The following DLG2 variants were observed in gnomAD, a reference collection of about 807,000 sequenced individuals.
DLG2 encodes the protein disks large homolog 2.
In DLG2, 45 loss-of-function variants were observed where a neutral mutation model predicts 132.5. The ratio of observed to expected loss-of-function variants is 0.34; its 90% CI spans 0.27 to 0.44. The LOEUF (loss-of-function observed/expected upper bound fraction) is 0.44. DLG2 is among the 20% of genes least tolerant of loss of function. DLG2 has a pLI of 1.00. For missense variants in DLG2, 1,045 were observed against 1,196.9 expected (o/e 0.87, Z 1.87); for synonymous variants, 424 against 419.6 (o/e 1.01, Z -0.13).
chr11:84,713,501 C>T (rs768119152), intron 6 of DLG2, among the ~76,000 whole-genome samples: 43 of 152,032 alleles, frequency 2.8e-4, no homozygotes, highest in Non-Finnish European at 4.6e-4. Context: ...ATTTTGAACA[C>T]TTGGATTTTT....
At chr11:84,563,330 G>A (rs1461730103) in intron 6 of DLG2, among the ~76,000 whole-genome samples, 1 of 152,178 alleles carries the variant, frequency 6.6e-6, no homozygotes, top group Admixed American at 6.5e-5. Flanking sequence ...TAGTACTATT[G>A]TGATTTATGT....
intron 5 of DLG2, among the ~76,000 whole-genome samples, chr11:85,115,081 GT>G (rs897776675): frequency 7.9e-5 from 12 of 151,558 alleles, no homozygotes; most frequent in African/African-American, 2.7e-4. Context: ...AAACAAAGGA[GT>G]TTTTTTTCGG....
intron 18 of DLG2, among the ~76,000 whole-genome samples, chr11:83,678,288 C>A (rs370468689): frequency 6.6e-6 from 1 of 152,152 alleles, no homozygotes; most frequent in African/African-American, 2.4e-5. Context: ...ACAAAACCAA[C>A]GCAGTGGAAT....
intron 19 of DLG2, among the ~76,000 whole-genome samples, chr11:83,589,671 C>T (rs1187711982): frequency 6.7e-6 from 1 of 149,788 alleles, no homozygotes; most frequent in Non-Finnish European, 1.5e-5. Context: ...GGACTAAATG[C>T]TCCAATTAAA....
At chr11:84,583,546 A>G (rs867054444) in intron 6 of DLG2, among the ~76,000 whole-genome samples, 1 of 152,214 alleles carries the variant, frequency 6.6e-6, no homozygotes, top group South Asian at 2.1e-4. Context: ...TGTTTGATGT[A>G]TGCAAAAGAA....
intron 4 of DLG2, among the ~76,000 whole-genome samples, chr11:85,270,780 T>G (rs965876780): frequency 6.6e-6 from 1 of 152,152 alleles, no homozygotes; most frequent in Non-Finnish European, 1.5e-5. Flanking sequence ...CCCTAGAAAT[T>G]TGTGGAACTT....
At chr11:84,893,586 C>T (rs906298332) in intron 6 of DLG2, among the ~76,000 whole-genome samples, 1 of 152,148 alleles carries the variant, frequency 6.6e-6, no homozygotes, top group Non-Finnish European at 1.5e-5. Context: ...TCAGTTGAGT[C>T]TCACTTTGAA....
chr11:84,152,640 C>CG (rs2095328907), intron 9 of DLG2, among the ~76,000 whole-genome samples: 1 of 151,108 alleles, frequency 6.6e-6, no homozygotes, highest in African/African-American at 2.5e-5. Context: ...CCTGTCTCGG[C>CG]CCCCCAAAGT....
chr11:84,300,271 A>C (rs2098137287), intron 7 of DLG2, among the ~76,000 whole-genome samples: 1 of 152,164 alleles, frequency 6.6e-6, no homozygotes, highest in African/African-American at 2.4e-5. Context: ...CTACAGATAG[A>C]GGCAGATAGC....
At chr11:85,289,667 GC>G (rs2078772420) in intron 3 of DLG2, among the ~76,000 whole-genome samples, 1 of 152,066 alleles carries the variant, frequency 6.6e-6, no homozygotes, top group South Asian at 2.1e-4. Flanking sequence ...CGACATACCT[GC>G]TTTGAATTCA....
intron 17 of DLG2, among the ~76,000 whole-genome samples, chr11:83,787,212 G>A (rs935588705): frequency 6.6e-6 from 1 of 151,258 alleles, no homozygotes; most frequent in Non-Finnish European, 1.5e-5. Flanking sequence ...GAGATTCTGG[G>A]GACATGGTAT....
chr11:84,177,294 C>T (rs933526802), intron 8 of DLG2, among the ~76,000 whole-genome samples: 3 of 152,110 alleles, frequency 2.0e-5, no homozygotes, highest in Non-Finnish European at 4.4e-5. Context: ...ACAAACCCTG[C>T]CTTTCTTTCT....
At chr11:85,481,305 GCTCT>G (rs2093283387) in intron 3 of DLG2, among the ~76,000 whole-genome samples, 2 of 152,144 alleles carry the variant, frequency 1.3e-5, no homozygotes, top group African/African-American at 4.8e-5. Context: ...GCAGAATAGG[GCTCT>G]CTAATGCTTG....
intron 8 of DLG2, among the ~76,000 whole-genome samples, chr11:84,209,239 C>T (rs143529724): frequency 3.9e-5 from 6 of 152,254 alleles, no homozygotes; most frequent in South Asian, 4.1e-4. Context: ...AAAGTAAAAA[C>T]ATTAGATAAA....
chr11:84,402,854 C>G (rs1319348797), intron 7 of DLG2, among the ~76,000 whole-genome samples: 1 of 110,872 alleles, frequency 9.0e-6, no homozygotes, highest in Non-Finnish European at 1.7e-5. Context: ...TGCACTCCAG[C>G]CTGGGCGACA....
chr11:84,126,085 G>A (rs1474596338), intron 9 of DLG2, among the ~76,000 whole-genome samples: 1 of 152,048 alleles, frequency 6.6e-6, no homozygotes, highest in Non-Finnish European at 1.5e-5. Flanking sequence ...AAACAACATG[G>A]AGGTCATTGG....
At position 84,059,311 on chromosome 11, in the gene DLG2, T is replaced by A. The variant is rs1461750989; in HGVS notation, c.919+4A>T. ...TGTCTGTGAGTCATTTATATTTTGA[T>A]TACCTTTAGGGCCTTTGAACAGTTT... On this transcript the variant is annotated splice_donor_region_variant and intron_variant, in intron 11 of 27. Coordinates refer to ENST00000376104, the MANE Select transcript of DLG2 (RefSeq NM_001142699.3). The A allele has an allele frequency of 6.2e-7, 1 of 1,611,362 alleles. No homozygotes were observed. The highest frequency in any genetic ancestry group is 1.7e-5 in the Admixed American group (1 of 59,470).
intron 7 of DLG2, among the ~76,000 whole-genome samples, chr11:84,263,115 C>T (rs563158449): frequency 6.6e-6 from 1 of 152,146 alleles, no homozygotes; most frequent in South Asian, 2.1e-4. Flanking sequence ...CTGAGTCTCC[C>T]CAGTTAGTTT....
At chr11:84,183,405 G>A (rs1305737790) in intron 8 of DLG2, among the ~76,000 whole-genome samples, 1 of 152,006 alleles carries the variant, frequency 6.6e-6, no homozygotes, top group African/African-American at 2.4e-5. Flanking sequence ...TGTGTTAGGT[G>A]GGGAGGAGGT....
Sources: allele counts gnomAD v4.1 joint callset (sites outside exome capture counted in the v4.1 genomes callset), GRCh38; gene constraint gnomAD v4.1.1; transcripts MANE v1.5; gene names NCBI Gene and HGNC (gene_info 2026-07-23, HGNC 2026-07-21).